Variants in BTBD2 observed in about 807,000 individuals in gnomAD.
The protein encoded by BTBD2 is BTB domain containing 2.
BTBD2 carries 15 observed loss-of-function variants against 44.0 expected under a neutral mutation model. The ratio of observed to expected loss-of-function variants is 0.34; its 90% CI spans 0.23 to 0.53. The LOEUF is 0.53. Among genes scored for constraint, BTBD2 ranks in the 20% least tolerant of loss-of-function variants. BTBD2 has a pLI of 0.95. For synonymous variants in BTBD2, 443 were observed against 335.9 expected, an observed-to-expected ratio of 1.32 and a Z score of -3.49; for missense variants, 657 against 746.4, an observed-to-expected ratio of 0.88 and a Z score of 1.39.
chr19:1,988,181 T>G, intron 5 of BTBD2: 1 of 157,102 alleles, frequency 6.4e-6, no homozygotes, highest in Non-Finnish European at 1.4e-5. Flanking sequence ...TCTCAAGCGC[T>G]TACACCCCCA....
At chr19:2,001,338 T>C (rs1214216957) in intron 1 of BTBD2, among the ~76,000 whole-genome samples, 1 of 151,454 alleles carries the variant, frequency 6.6e-6, no homozygotes, top group African/African-American at 2.4e-5. Flanking sequence ...CTACTAAAAA[T>C]ACAAAATATT....
Position 1,993,125 on chromosome 19 carries a change from C to T in BTBD2, c.579G>A (p.Thr193=), listed in dbSNP as rs937250443. The change falls in exon 3 of 9, where the codon ACG becomes ACA. Residue 193 remains threonine, a synonymous_variant. Transcript: ENST00000255608. ...VQIGPETVMT[T]LYTAKKYAVP... is the part of the protein sequence containing the mutation. ...CCGCGTACTTCTTGGCGGTGTATAG[C>T]GTGGTCATCACCGTCTCCGGGCCAA... 6.2e-7 allele frequency: 1 copy of T among 1,608,038 alleles called. No individual in the cohort carries two copies.
chr19:1,986,311 A>T lies in BTBD2; in HGVS notation c.*177T>A. 2 of 763,472 alleles carry T rather than the reference A, an allele frequency of 2.6e-6. No homozygotes were observed. Among genetic ancestry groups the T allele is most frequent in the Non-Finnish European group, 2.1e-6 (1 of 480,646 alleles). The allele number at this position is 763,472 out of a possible 1,614,324, so 47.3% of individuals were successfully genotyped here. ...CCGGCTGCCCTGATCCAGCAGCCAC[A>T]CTCGTGGTGAACACAGGGCAACCCC... is the stretch of plus-strand genomic sequence containing the variant. On this transcript the variant is annotated 3_prime_UTR_variant, in exon 9 of 9. Coordinates refer to ENST00000255608, the MANE Select transcript of BTBD2 (RefSeq NM_017797.4).
At position 1,987,025 on chromosome 19, in the gene BTBD2, G is replaced by A. The variant is rs201662565; in HGVS notation, c.1270-49C>T. On this transcript the variant is annotated intron_variant, in intron 7 of 8. Coordinates refer to ENST00000255608, the MANE Select transcript of BTBD2 (RefSeq NM_017797.4). The stretch of plus-strand genomic sequence containing the variant: ...GGCTCAGGCCTGGGGAGGGCCAACG[G>A]GGACCCCTCGAGGCCCAGCCCACCT... The A allele has an allele frequency of 1.3e-4, 215 of 1,598,134 alleles. No individual in the cohort carries two copies. In the African/African-American group the frequency reaches 2.4e-3, roughly 17 times the overall value.
chr19:1,987,388 C>T lies in BTBD2; in HGVS notation c.1181+112G>A, dbSNP rs970451285. 4 of 1,354,080 alleles carry T rather than the reference C, an allele frequency of 3.0e-6. No individual in the cohort carries two copies. In the African/African-American group the frequency reaches 6.0e-5, roughly 20 times the overall value. 83.9% of individuals were successfully genotyped at this position (1,354,080 alleles called of 1,614,324 possible). On this transcript the variant is annotated intron_variant, in intron 6 of 8. Transcript: ENST00000255608. ...ACCCCCATGCCCGGCGGCCCCCCCG[C>T]CGTCTTCATCATCCCTGAGTTCTCC...
At chr19:1,987,017 G>T in intron 7 of BTBD2, 41 bp from the exon 8 acceptor site, 3 of 1,600,062 alleles carry the variant, frequency 1.9e-6, no homozygotes, top group Non-Finnish European at 2.6e-6. Flanking sequence ...GCCTGGGGAG[G>T]GCCAACGGGG....
At position 1,987,414 on chromosome 19, in the gene BTBD2, A is replaced by G. The variant is rs906058045; in HGVS notation, c.1181+86T>C. On this transcript the variant is annotated intron_variant, in intron 6 of 8. Coordinates refer to ENST00000255608, the MANE Select transcript of BTBD2 (RefSeq NM_017797.4). ...CGTCTTCATCATCCCTGAGTTCTCC[A>G]CCCCCATGCCCGGCCCCCCATCTCC... 10 of 464,426 alleles carry G rather than the reference A, an allele frequency of 2.2e-5. No homozygotes were observed. In the Admixed American group the frequency reaches 2.5e-4, roughly 12 times the overall value. 28.8% of individuals were successfully genotyped at this position (464,426 alleles called of 1,614,324 possible).
intron 6 of BTBD2, 84 bp from the exon 7 acceptor site, chr19:1,987,337 TC>T: frequency 7.2e-7 from 1 of 1,380,460 alleles, no homozygotes; most frequent in South Asian, 1.2e-5. Flanking sequence ...CCATGCCCGG[TC>T]CCCTCCATCG....
At chr19:2,006,086 T>C (rs1175733650) in intron 1 of BTBD2, among the ~76,000 whole-genome samples, 1 of 146,912 alleles carries the variant, frequency 6.8e-6, no homozygotes, top group African/African-American at 2.6e-5. Flanking sequence ...AGACCCTGTC[T>C]CTAAAAAAAA....
At chr19:2,000,234 T>C (rs2016311922) in intron 1 of BTBD2, among the ~76,000 whole-genome samples, 1 of 152,174 alleles carries the variant, frequency 6.6e-6, no homozygotes, top group African/African-American at 2.4e-5. Flanking sequence ...CCCGCCCGTC[T>C]GCCCTCCTGG....
In BTBD2 at chr19:2,015,665, CG is replaced by C; in HGVS notation, c.38del (p.Pro13ArgfsTer178). 1 of 980,140 alleles carries C rather than the reference CG, an allele frequency of 1.0e-6. No individual in the cohort carries two copies. The highest frequency in any genetic ancestry group is 1.2e-6 in the Non-Finnish European group (1 of 834,180). The allele number at this position is 980,140 out of a possible 1,614,324, so 60.7% of individuals were successfully genotyped here. ...AGGSGGRASC[P>X]PGVGVGPGTG... ...TGCCCGGGCCGACCCCGACCCCCGG[CG>C]GGCACGACGCACGCCCGCCGCTCCC... On this transcript the variant is annotated frameshift_variant, in exon 1 of 9. Coordinates refer to ENST00000255608, the MANE Select transcript of BTBD2 (RefSeq NM_017797.4). LOFTEE classifies it high-confidence loss of function.
In BTBD2 at chr19:2,012,301, C is replaced by T. The variant is rs571028469; in HGVS notation, c.407+2996G>A. 1.5e-4 allele frequency among the ~76,000 whole-genome samples: 22 copies of T among 150,952 alleles called. 1 individual carries two copies. The highest frequency in any genetic ancestry group is 3.2e-4 in the African/African-American group (13 of 40,490). On this transcript the variant is annotated intron_variant, in intron 1 of 8. Coordinates refer to ENST00000255608, the MANE Select transcript of BTBD2 (RefSeq NM_017797.4). ...CTGAGTAGCTGGGATTACAGGTGTG[C>T]GCCACCACGCCCGGCTAATTTTTGT...
Position 1,986,833 on chromosome 19 carries a change from G to A in BTBD2, c.1413C>T (p.Leu471=). 1 of 1,604,808 alleles carries A rather than the reference G, an allele frequency of 6.2e-7. No individual in the cohort carries two copies. The highest frequency in any genetic ancestry group is 8.5e-7 in the Non-Finnish European group (1 of 1,175,244). Residue 471 remains leucine (L), a synonymous_variant, in exon 8 of 9, where the codon CTC becomes CTT. Transcript: ENST00000255608. ...PNVNYTACAT[L]KGPDSHYGTK... ...ACCCCTGTCCCCGGCGGCGCACCTT[G>A]AGCGTGGCACAGGCCGTGTAGTTGA...
At chr19:1,996,076 T>C (rs1301138459) in intron 2 of BTBD2, among the ~76,000 whole-genome samples, 2 of 126,970 alleles carry the variant, frequency 1.6e-5, no homozygotes, top group East Asian at 4.9e-4. Context: ...TTCTGTTGAA[T>C]GGCCTTGGCA....
intron 1 of BTBD2, among the ~76,000 whole-genome samples, chr19:2,013,260 C>T (rs983956652): frequency 2.6e-5 from 4 of 152,186 alleles, no homozygotes; most frequent in Non-Finnish European, 5.9e-5. Context: ...AAAACCCAGC[C>T]CCTGCCCCCG....
At chr19:1,999,632 C>T (rs576520929) in intron 1 of BTBD2, among the ~76,000 whole-genome samples, 3 of 151,650 alleles carry the variant, frequency 2.0e-5, no homozygotes, top group Non-Finnish European at 4.4e-5. Context: ...CGCCACTGCA[C>T]TCCAGCCTGG....
chr19:1,986,250 T>G lies in BTBD2; in HGVS notation c.*238A>C. ...CCCTGTCCCTAGTCCTGAGGGATTG[T>G]CTCCACAGGGCCTGGCCACTGGCCT... is the stretch of plus-strand genomic sequence containing the variant. On this transcript the variant is annotated 3_prime_UTR_variant, in exon 9 of 9. Coordinates refer to ENST00000255608, the MANE Select transcript of BTBD2 (RefSeq NM_017797.4). 1.8e-6 allele frequency: 1 copy of G among 561,514 alleles called. No individual in the cohort carries two copies. Among genetic ancestry groups the G allele is most frequent in the Non-Finnish European group, 3.2e-6 (1 of 314,632 alleles). The allele number at this position is 561,514 out of a possible 1,614,324, so 34.8% of individuals were successfully genotyped here.
At chr19:1,992,872 C>A in intron 3 of BTBD2, 148 bp downstream of exon 3, 1 of 833,154 alleles carries the variant, frequency 1.2e-6, no homozygotes, top group Non-Finnish European at 1.6e-6. Context: ...ACGCCCGGCC[C>A]AAAACACATT....
rs777746840 is a variant in BTBD2 at position 1,987,232 on chromosome 19, G to T, written c.1203C>A (p.Ile401=). Residue 401 remains isoleucine, a synonymous_variant, in exon 7 of 9, where the codon ATC becomes ATA. Transcript: ENST00000255608. The part of the protein sequence containing the change: ...DRIRFSVNKR[I]FVVGFGLYGS... Reference sequence around the variant, plus strand: ...CATACAGCCCAAATCCCACCACGAAGATGCGCTTGTTGACTGAGAACCTGC... The same window carrying T: ...CATACAGCCCAAATCCCACCACGAATATGCGCTTGTTGACTGAGAACCTGC... 8 of 1,613,728 alleles carry T rather than the reference G, an allele frequency of 5.0e-6. No individual in the cohort carries two copies. The Admixed American group carries it at 1.3e-4, about 27-fold the overall frequency.
Sources: gnomAD v4.1 joint callset for allele counts (sites outside exome capture counted in the v4.1 genomes callset) on GRCh38, gnomAD v4.1.1 for gene constraint, MANE v1.5 for transcripts, NCBI Gene and HGNC (gene_info 2026-07-23, HGNC 2026-07-21) for gene names.